The following ARL17B variants were observed in gnomAD, a reference collection of about 807,000 sequenced individuals.
ARL17B encodes the protein ADP-ribosylation factor-like protein 17.
intron 4 of ARL17B, among the ~76,000 whole-genome samples, chr17:46,282,376 T>G (rs2049789464): frequency 6.6e-6 from 1 of 152,130 alleles, no homozygotes; most frequent in Non-Finnish European, 1.5e-5. Flanking sequence ...GTGCTGGGAT[T>G]ACAGGCGTGA....
intron 4 of ARL17B, among the ~76,000 whole-genome samples, chr17:46,289,518 C>A (rs1290280898): frequency 1.3e-5 from 2 of 152,052 alleles, no homozygotes; most frequent in South Asian, 2.1e-4. Flanking sequence ...TTAAAAAATT[C>A]TTTTAGAGAT....
intron 4 of ARL17B, among the ~76,000 whole-genome samples, chr17:46,278,633 A>G (rs1208928501): frequency 6.6e-6 from 1 of 151,466 alleles, no homozygotes; most frequent in African/African-American, 2.4e-5. Context: ...CAAACTCCTG[A>G]CCTCGTGATA....
intron 3 of ARL17B, among the ~76,000 whole-genome samples, chr17:46,321,914 C>CAAA (rs1263117066): frequency 9.1e-5 from 1 of 10,992 alleles, no homozygotes; most frequent in Non-Finnish European, 4.4e-4. Context: ...GACTCCATCT[C>CAAA]AAAAAAAAAA....
At chr17:46,282,885 G>A (rs1190305929) in intron 4 of ARL17B, among the ~76,000 whole-genome samples, 2 of 152,196 alleles carry the variant, frequency 1.3e-5, no homozygotes, top group African/African-American at 2.4e-5. Context: ...TTGGGAGGCC[G>A]AAGCGAGCGG....
chr17:46,275,137 C>T (rs2049552900), exon 5 of ARL17B: 1 of 248,212 alleles, frequency 4.0e-6, no homozygotes. Flanking sequence ...GATGATCCGC[C>T]CGCCTTGGCC....
At chr17:46,317,129 C>A (rs1299044985) in intron 3 of ARL17B, among the ~76,000 whole-genome samples, 2 of 89,212 alleles carry the variant, frequency 2.2e-5, no homozygotes, top group East Asian at 2.3e-4. Context: ...CTGTTGGGTA[C>A]ACCTCCCAGA....
downstream of ARL17B, among the ~76,000 whole-genome samples, chr17:46,274,207 C>T (rs1248502591): frequency 6.6e-6 from 1 of 152,226 alleles, no homozygotes; most frequent in South Asian, 2.1e-4. Flanking sequence ...GAAAAACTAT[C>T]TCCATTTATT....
At chr17:46,275,493 T>A in intron 4 of ARL17B, 1 of 654,318 alleles carries the variant, frequency 1.5e-6, no homozygotes, top group Non-Finnish European at 2.6e-6. Context: ...GATGCCAAAG[T>A]AAATAAATCT....
chr17:46,341,028 C>A (rs1351496393), intron 3 of ARL17B, among the ~76,000 whole-genome samples: 3 of 68,130 alleles, frequency 4.4e-5, no homozygotes, highest in Non-Finnish European at 7.4e-5. Context: ...GGTGGGAGTC[C>A]CCGCGCCCGG....
intron 4 of ARL17B, among the ~76,000 whole-genome samples, chr17:46,275,651 G>GTA (rs2143286382): frequency 6.6e-6 from 1 of 152,244 alleles, no homozygotes; most frequent in African/African-American, 2.4e-5. Context: ...AAATATGTAT[G>GTA]TATATATATT....
chr17:46,275,694 C>T (rs779679725), intron 4 of ARL17B, among the ~76,000 whole-genome samples: 1 of 152,084 alleles, frequency 6.6e-6, no homozygotes, highest in Non-Finnish European at 1.5e-5. Flanking sequence ...TTTCAGGCAA[C>T]TGGACAAATA....
intron 4 of ARL17B, among the ~76,000 whole-genome samples, chr17:46,282,379 A>G (rs2049789567): frequency 2.0e-5 from 3 of 151,618 alleles, no homozygotes; most frequent in Admixed American, 2.0e-4. Context: ...CTGGGATTAC[A>G]GGCGTGATCC....
chr17:46,276,790 C>CTTTTTTTTTTTTTTTTTGT (rs2049600339), intron 4 of ARL17B, among the ~76,000 whole-genome samples: 1 of 134,320 alleles, frequency 7.4e-6, no homozygotes, highest in African/African-American at 2.8e-5. Context: ...TTCTTTTTTT[C>CTTTTTTTTTTTTTTTTTGT]TTTTTTTTTT....
chr17:46,275,446 T>G, intron 4 of ARL17B: 1 of 860,092 alleles, frequency 1.2e-6, no homozygotes, highest in South Asian at 1.4e-5. Flanking sequence ...AGGGAACAAT[T>G]GAGCACCTTT....
At position 46,340,611 on chromosome 17, in the gene ARL17B, C is replaced by T. The variant is rs539031571; in HGVS notation, c.260-837G>A. On this transcript the variant is annotated intron_variant, in intron 3 of 3. Transcript: ENST00000450673. ...AGGCTGGAGTGCAGCAGCGTGATCT[C>T]GGTTGACTGCAACCTCTGCCTTCCA... Among the ~76,000 whole-genome samples the T allele has an allele frequency of 1.8e-4, 13 of 70,986 alleles. No homozygotes were observed. In the East Asian group the frequency reaches 2.9e-3, roughly 16 times the overall value. 46.6% of individuals were successfully genotyped at this position (70,986 alleles called of 152,430 possible).
At chr17:46,289,206 A>G (rs2732607) in intron 4 of ARL17B, among the ~76,000 whole-genome samples, 10,626 of 136,792 alleles carry the variant, frequency 0.078, no homozygotes, top group Non-Finnish European at 0.12. Flanking sequence ...TTTGGAGATA[A>G]GAGTCTCACT....
At chr17:46,275,598 T>C (rs962521341) in intron 4 of ARL17B, among the ~76,000 whole-genome samples, 2 of 152,266 alleles carry the variant, frequency 1.3e-5, no homozygotes, top group African/African-American at 2.4e-5. Flanking sequence ...AACTTTTCAC[T>C]GTACACTAAG....
intron 4 of ARL17B, among the ~76,000 whole-genome samples, chr17:46,285,054 A>C (rs1474577336): frequency 6.6e-6 from 1 of 151,976 alleles, no homozygotes; most frequent in Non-Finnish European, 1.5e-5. Flanking sequence ...TTTTTTGTAG[A>C]GATGGGGTCT....
chr17:46,292,198 G>A (rs1171871154), intron 4 of ARL17B, among the ~76,000 whole-genome samples: 2 of 76,836 alleles, frequency 2.6e-5, no homozygotes, highest in African/African-American at 6.6e-5. Flanking sequence ...TGGGTGTGGT[G>A]GTGGGCACCT....
Sources: allele counts gnomAD v4.1 joint callset (sites outside exome capture counted in the v4.1 genomes callset), GRCh38; gene constraint gnomAD v4.1.1; transcripts MANE v1.5; gene names NCBI Gene and HGNC (gene_info 2026-07-23, HGNC 2026-07-21).